CHD6: variants seen among roughly 807,000 people sequenced by gnomAD.
CHD6 encodes ATP-dependent chromatin remodeler CHD6.
Under a neutral mutation model 276.9 loss-of-function variants are expected in CHD6, and 50 were observed. That is an observed-to-expected ratio of 0.18 (90% CI 0.14 to 0.23). The LOEUF (loss-of-function observed/expected upper bound fraction) is 0.23, where lower values mean the gene tolerates loss of function less well. CHD6 is among the 10% of genes least tolerant of loss of function. The pLI, the probability that CHD6 is intolerant of heterozygous loss-of-function variation, is 1.00. For synonymous variants in CHD6, 1,173 were observed against 1,229.3 expected (o/e 0.95, Z 0.96); for missense variants, 2,564 against 3,365.8 (o/e 0.76, Z 5.89).
At chr20:41,547,668 A>T in intron 2 of CHD6, 1 of 728,594 alleles carries the variant, frequency 1.4e-6, no homozygotes. Context: ...CCTAATCATC[A>T]AAGCCCTCAA....
At chr20:41,613,925 G>A (rs1164626417) in intron 1 of CHD6, among the ~76,000 whole-genome samples, 2 of 151,782 alleles carry the variant, frequency 1.3e-5, no homozygotes, top group African/African-American at 4.8e-5. Flanking sequence ...AAACCTTTAG[G>A]TAGGAAGTAA....
At chr20:41,431,123 C>T (rs543502068) in intron 27 of CHD6, among the ~76,000 whole-genome samples, 2 of 152,294 alleles carry the variant, frequency 1.3e-5, no homozygotes, top group African/African-American at 4.8e-5. Flanking sequence ...TGAGCCACTG[C>T]GCCTGGCCCA....
chr20:41,550,795 T>C (rs752476781), intron 2 of CHD6, among the ~76,000 whole-genome samples: 3 of 152,148 alleles, frequency 2.0e-5, no homozygotes, highest in Non-Finnish European at 2.9e-5. Flanking sequence ...CCTGGCAAGA[T>C]AAATCACTCT....
In CHD6 at chr20:41,512,303, A is replaced by C. The variant is rs555930900; in HGVS notation, c.852+543T>G. ...TTTTAATGAGAGACAAGTAAAACAA[A>C]ATCAGAGATCAGACACATTCAAATG... On this transcript the variant is annotated intron_variant, in intron 5 of 36. Transcript: ENST00000373233. 3.3e-5 allele frequency among the ~76,000 whole-genome samples: 5 copies of C among 152,166 alleles called. No individual in the cohort carries two copies. In the South Asian group the frequency reaches 1.0e-3, roughly 32 times the overall value.
At position 41,498,238 on chromosome 20, in the gene CHD6, A is replaced by G. The variant is rs542853973; in HGVS notation, c.916-12T>C. The G allele has an allele frequency of 3.7e-6, 6 of 1,607,664 alleles. No homozygotes were observed. In the African/African-American group the frequency reaches 4.0e-5, roughly 11 times the overall value. ...TCTCCTGGGTGAACCTGTAACAAACAGCAAGCAGTTATCAGCCCAGATCCC... is the reference window on the plus strand; with the variant it reads ...TCTCCTGGGTGAACCTGTAACAAACGGCAAGCAGTTATCAGCCCAGATCCC... On this transcript the variant is annotated splice_polypyrimidine_tract_variant and intron_variant, in intron 6 of 36. Transcript: ENST00000373233.
rs1601169468 is a variant in CHD6, at chr20:41,586,787, T to C, written c.-24+31553A>G. ...TGTAACAAAATTCAAAATCCATTTA[T>C]GATAAAAACTCTCAGCAAATTTGGA... On this transcript the variant is annotated intron_variant, in intron 1 of 36. Transcript: ENST00000373233. Among the ~76,000 whole-genome samples the C allele has an allele frequency of 2.0e-5, 3 of 152,228 alleles. No individual in the cohort carries two copies. The South Asian group carries it at 6.2e-4, about 31-fold the overall frequency.
chr20:41,431,757 G>A (rs1188435132), intron 27 of CHD6, among the ~76,000 whole-genome samples: 1 of 124,706 alleles, frequency 8.0e-6, no homozygotes, highest in East Asian at 2.7e-4. Flanking sequence ...CTCAAGGAAT[G>A]ACATGATGAA....
At chr20:41,550,972 A>T (rs943233231) in intron 2 of CHD6, among the ~76,000 whole-genome samples, 6 of 152,256 alleles carry the variant, frequency 3.9e-5, no homozygotes, top group Admixed American at 6.5e-5. Context: ...AAGGATAAAT[A>T]TATAAAATAT....
At chr20:41,591,171 T>G (rs2045653877) in intron 1 of CHD6, among the ~76,000 whole-genome samples, 1 of 124,500 alleles carries the variant, frequency 8.0e-6, no homozygotes, top group Non-Finnish European at 1.6e-5. Flanking sequence ...TGAGAACACT[T>G]GGACACAGGA....
chr20:41,408,360 T>C (rs916998429), intron 36 of CHD6, among the ~76,000 whole-genome samples: 4 of 152,124 alleles, frequency 2.6e-5, no homozygotes. Flanking sequence ...CACTTGCAAT[T>C]TGCTAGGCTG....
intron 1 of CHD6, among the ~76,000 whole-genome samples, chr20:41,615,278 T>TG (rs1304916546): frequency 6.6e-6 from 1 of 151,118 alleles, no homozygotes; most frequent in African/African-American, 2.4e-5. Context: ...GGCTGAGTAC[T>TG]GGACAAACAC....
chr20:41,576,788 A>G (rs2045479049), intron 1 of CHD6, among the ~76,000 whole-genome samples: 1 of 152,208 alleles, frequency 6.6e-6, no homozygotes, highest in Non-Finnish European at 1.5e-5. Context: ...ATCCCTATCA[A>G]TAACATCCAA....
chr20:41,602,435 A>G (rs1255393102), intron 1 of CHD6, among the ~76,000 whole-genome samples: 1 of 152,146 alleles, frequency 6.6e-6, no homozygotes, highest in Non-Finnish European at 1.5e-5. Context: ...CCCAGCCTTC[A>G]TCTCACACCA....
intron 14 of CHD6, among the ~76,000 whole-genome samples, chr20:41,487,125 G>A (rs957612598): frequency 6.6e-6 from 1 of 152,122 alleles, no homozygotes; most frequent in Non-Finnish European, 1.5e-5. Context: ...TTAGCTTTGA[G>A]TCCAACAAGG....
rs767734484 is a variant in CHD6, at chr20:41,520,416, A to T, written c.555-5464T>A. 2.0e-5 allele frequency among the ~76,000 whole-genome samples: 3 copies of T among 152,336 alleles called. 1 individual carries two copies. The South Asian group carries it at 6.2e-4, about 32-fold the overall frequency. On this transcript the variant is annotated intron_variant, in intron 3 of 36. Coordinates refer to ENST00000373233, the MANE Select transcript of CHD6 (RefSeq NM_032221.5). ...TTCACAATAGCAAAGACTTGGAACC[A>T]ACCCAAATGTCCAACAATGATAGAC...
chr20:41,497,147 A>G (rs2043706953), intron 8 of CHD6: 1 of 471,656 alleles, frequency 2.1e-6, no homozygotes, highest in African/African-American at 2.0e-5. Context: ...ATTAGTATTC[A>G]GACCAAGATG....
intron 36 of CHD6, among the ~76,000 whole-genome samples, chr20:41,406,785 G>A (rs761872520): frequency 3.3e-5 from 5 of 152,164 alleles, no homozygotes; most frequent in Admixed American, 6.5e-5. Flanking sequence ...ACTGCTATCA[G>A]CTAGTTTATC....
In CHD6 at chr20:41,523,812, T is replaced by C. The variant is rs554892385; in HGVS notation, c.555-8860A>G. On this transcript the variant is annotated intron_variant, in intron 3 of 36. Transcript: ENST00000373233. ...TGCTGAATCTGAGTACGAGGAAAGA[T>C]ATGGGTACATGTCACGACATCGTAC... Among the ~76,000 whole-genome samples, 48 of 152,296 alleles carry C rather than the reference T, an allele frequency of 3.2e-4. 2 individuals carry two copies. The South Asian group carries it at 8.7e-3, about 28-fold the overall frequency.
intron 5 of CHD6, among the ~76,000 whole-genome samples, chr20:41,511,436 C>G (rs1244640844): frequency 6.6e-6 from 1 of 152,130 alleles, no homozygotes; most frequent in Non-Finnish European, 1.5e-5. Flanking sequence ...CAACATTTAA[C>G]CCTTCTCTCC....
Sources: gnomAD v4.1 joint callset for allele counts (sites outside exome capture counted in the v4.1 genomes callset) on GRCh38, gnomAD v4.1.1 for gene constraint, MANE v1.5 for transcripts, NCBI Gene and HGNC (gene_info 2026-07-23, HGNC 2026-07-21) for gene names.